The following CTNNA2 variants were observed in gnomAD, a reference collection of about 807,000 sequenced individuals.
CTNNA2 encodes the protein catenin alpha-2.
In CTNNA2, 42 loss-of-function variants were observed where a neutral mutation model predicts 101.0. That is an observed-to-expected ratio of 0.42 (90% CI 0.32 to 0.54). The LOEUF (loss-of-function observed/expected upper bound fraction) is 0.54. Among genes scored for constraint, CTNNA2 ranks in the 20% least tolerant of loss-of-function variants. The pLI is 0.14. For missense variants in CTNNA2, 871 were observed against 1,223.1 expected (o/e 0.71, Z 4.29); for synonymous variants, 450 against 456.4 (o/e 0.99, Z 0.18).
intron 7 of CTNNA2, among the ~76,000 whole-genome samples, chr2:79,999,549 C>A (rs1004330101): frequency 6.6e-6 from 1 of 152,054 alleles, no homozygotes; most frequent in Non-Finnish European, 1.5e-5. Flanking sequence ...CCCCACATTT[C>A]ACAAGCCTAG....
chr2:79,413,603 A>G (rs1168400609), intron 4 of CTNNA2, among the ~76,000 whole-genome samples: 1 of 152,034 alleles, frequency 6.6e-6, no homozygotes, highest in East Asian at 1.9e-4. Flanking sequence ...TGAGTCACAT[A>G]GTAGTTCTAT....
intron 3 of CTNNA2, among the ~76,000 whole-genome samples, chr2:79,823,325 G>T (rs2974176): frequency 1.4e-4 from 21 of 152,264 alleles, no homozygotes; most frequent in Middle Eastern, 3.4e-3. Context: ...AAAGGCTTTA[G>T]ATTTTAAAAT....
At chr2:80,223,269 A>G (rs1708681128) in intron 7 of CTNNA2, among the ~76,000 whole-genome samples, 1 of 152,194 alleles carries the variant, frequency 6.6e-6, no homozygotes, top group Non-Finnish European at 1.5e-5. Flanking sequence ...TTTGGTCAAT[A>G]AAGCGATAAA....
chr2:79,534,902 GA>G (rs538462997), intron 1 of CTNNA2, among the ~76,000 whole-genome samples: 98 of 137,036 alleles, frequency 7.2e-4, no homozygotes, highest in African/African-American at 1.5e-3. Context: ...TAAGAAGGGT[GA>G]AAAAAAAAAA....
chr2:80,591,386 A>C (rs773341635), intron 15 of CTNNA2, among the ~76,000 whole-genome samples: 14 of 148,172 alleles, frequency 9.4e-5, no homozygotes, highest in Non-Finnish European at 2.1e-4. Flanking sequence ...CTGGAGAACC[A>C]GAGTAGACTG....
chr2:80,628,861 A>G (rs1187284912), intron 18 of CTNNA2, among the ~76,000 whole-genome samples: 2 of 152,050 alleles, frequency 1.3e-5, no homozygotes, highest in African/African-American at 4.8e-5. Context: ...CACTGGGAAG[A>G]GTTAGGCTTG....
intron 3 of CTNNA2, among the ~76,000 whole-genome samples, chr2:79,339,001 G>A (rs535183116): frequency 2.0e-5 from 3 of 152,196 alleles, no homozygotes; most frequent in Admixed American, 2.0e-4. Context: ...ATTCCCAACA[G>A]CAGATATTGA....
intron 9 of CTNNA2, among the ~76,000 whole-genome samples, chr2:80,420,785 T>C (rs1357079362): frequency 6.6e-6 from 1 of 152,188 alleles, no homozygotes; most frequent in Non-Finnish European, 1.5e-5. Flanking sequence ...TCTGCTTCTC[T>C]AGGATACAGG....
intron 3 of CTNNA2, among the ~76,000 whole-genome samples, chr2:79,348,813 C>G (rs1677320242): frequency 6.6e-6 from 1 of 152,174 alleles, no homozygotes; most frequent in South Asian, 2.1e-4. Context: ...CCAGGACAAT[C>G]TCTACACCAC....
At chr2:79,383,497 G>C (rs1272998427) in intron 4 of CTNNA2, among the ~76,000 whole-genome samples, 1 of 152,098 alleles carries the variant, frequency 6.6e-6, no homozygotes, top group East Asian at 1.9e-4. Context: ...GCTGTTAGAG[G>C]GCTTTGGTGG....
At chr2:79,927,463 A>G (rs1687101030) in intron 7 of CTNNA2, among the ~76,000 whole-genome samples, 1 of 152,158 alleles carries the variant, frequency 6.6e-6, no homozygotes, top group African/African-American at 2.4e-5. Flanking sequence ...GACAGTGGGA[A>G]TGAAAAGGAG....
intron 7 of CTNNA2, among the ~76,000 whole-genome samples, chr2:79,981,808 T>C (rs546177037): frequency 3.8e-4 from 58 of 152,218 alleles, no homozygotes; most frequent in African/African-American, 1.3e-3. Flanking sequence ...ACCTAACTAA[T>C]GTATGTCCTT....
Position 80,158,581 on chromosome 2 carries a change from G to T in CTNNA2, c.1057-234630G>T, listed in dbSNP as rs559736263. ...CCTCCTTAACCCTTAACAACCACTA[G>T]TCTGTTCTCCATTGCTATAGTTTTG... On this transcript the variant is annotated intron_variant, in intron 7 of 18. Coordinates refer to ENST00000402739, the MANE Select transcript of CTNNA2 (RefSeq NM_001282597.3). 2.6e-5 allele frequency among the ~76,000 whole-genome samples: 4 copies of T among 152,228 alleles called. No homozygotes were observed. The South Asian group carries it at 8.3e-4, about 32-fold the overall frequency.
At chr2:80,393,945 T>C (rs72912895) in intron 8 of CTNNA2, among the ~76,000 whole-genome samples, 6,774 of 152,244 alleles carry the variant, frequency 0.044, 521 homozygotes, top group African/African-American at 0.15. Flanking sequence ...TATGTGGCCA[T>C]GATGAACTCC....
chr2:80,308,140 G>C (rs1677204771), intron 7 of CTNNA2, among the ~76,000 whole-genome samples: 1 of 152,080 alleles, frequency 6.6e-6, no homozygotes, highest in African/African-American at 2.4e-5. Flanking sequence ...GAAGTGGAGT[G>C]GGGGAGTAAC....
chr2:80,601,359 A>C (rs1012286869), intron 15 of CTNNA2, among the ~76,000 whole-genome samples: 5 of 150,280 alleles, frequency 3.3e-5, no homozygotes, highest in African/African-American at 4.9e-5. Context: ...CTTCTCTTTA[A>C]AGGTTTAGTT....
intron 4 of CTNNA2, among the ~76,000 whole-genome samples, chr2:79,422,594 G>A (rs1386767762): frequency 1.3e-5 from 2 of 152,090 alleles, no homozygotes; most frequent in African/African-American, 4.8e-5. Flanking sequence ...TAGAGTAAAG[G>A]CTCAAATAAA....
intron 1 of CTNNA2, among the ~76,000 whole-genome samples, chr2:79,594,488 T>G (rs948573360): frequency 1.6e-4 from 25 of 152,214 alleles, no homozygotes; most frequent in African/African-American, 5.8e-4. Context: ...TTAGTATTTC[T>G]TAAAAACAGT....
chr2:79,809,740 A>G (rs113781119), intron 3 of CTNNA2, among the ~76,000 whole-genome samples: 3,145 of 152,212 alleles, frequency 0.021, 121 homozygotes, highest in African/African-American at 0.072. Context: ...TAGGTTGCCT[A>G]TCACTCTGAT....
Sources: gnomAD v4.1 joint callset for allele counts (sites outside exome capture counted in the v4.1 genomes callset) on GRCh38, gnomAD v4.1.1 for gene constraint, MANE v1.5 for transcripts, NCBI Gene and HGNC (gene_info 2026-07-23, HGNC 2026-07-21) for gene names.